Variants in MTCL3 observed in about 807,000 individuals in gnomAD.
MTCL3 encodes the protein MTCL family member 3, also known as microtubule cross-linking factor 3.
chr6:127,512,252 A>C, the MTCL3 span, among the ~76,000 whole-genome samples: 12 of 152,106 alleles, frequency 7.9e-5, no homozygotes, highest in African/African-American at 2.7e-4. Context: ...TTCTACCCTA[A>C]AGGGTATAAC....
chr6:127,515,399 T>A, the MTCL3 span: 1 of 1,036,918 alleles, frequency 9.6e-7, no homozygotes. The surrounding 1 kb of genome is among the most constrained non-coding windows in gnomAD (Gnocchi z 4.3). Flanking sequence ...CTTGTTCTCC[T>A]CCCTCTTCAA....
the MTCL3 span, chr6:127,515,947 G>A: frequency 6.2e-7 from 1 of 1,607,952 alleles, no homozygotes; most frequent in Non-Finnish European, 8.5e-7. The surrounding 1 kb of genome is among the most constrained non-coding windows in gnomAD (Gnocchi z 4.3). Context: ...GGTTTTGCCC[G>A]CAGAAGAGGA....
the MTCL3 span, among the ~76,000 whole-genome samples, chr6:127,474,317 G>A: frequency 6.6e-6 from 1 of 151,922 alleles, no homozygotes; most frequent in Non-Finnish European, 1.5e-5. Context: ...TCACTCTGTC[G>A]CCTAGGCTGG....
chr6:127,503,700 A>C, the MTCL3 span, among the ~76,000 whole-genome samples: 1 of 152,134 alleles, frequency 6.6e-6, no homozygotes, highest in East Asian at 1.9e-4. Context: ...GGATAAATGG[A>C]ATTTGAGAGA....
the MTCL3 span, among the ~76,000 whole-genome samples, chr6:127,507,855 A>G: frequency 6.8e-6 from 1 of 147,170 alleles, no homozygotes; most frequent in Non-Finnish European, 1.5e-5. Context: ...AAAAAAAAAA[A>G]AAAAAAAAAA....
the MTCL3 span, among the ~76,000 whole-genome samples, chr6:127,502,415 C>T: frequency 1.3e-5 from 2 of 152,264 alleles, no homozygotes; most frequent in Admixed American, 1.3e-4. Flanking sequence ...TCTCCCTGTC[C>T]ATCAAAACAT....
At chr6:127,516,567 AGCT>A in the MTCL3 span, 1 of 1,597,878 alleles carries the variant, frequency 6.3e-7, no homozygotes, top group South Asian at 1.1e-5. Flanking sequence ...CGGCGGGAGA[AGCT>A]GCTGCTGTGG....
the MTCL3 span, among the ~76,000 whole-genome samples, chr6:127,480,679 C>A: frequency 6.6e-6 from 1 of 152,134 alleles, no homozygotes; most frequent in African/African-American, 2.4e-5. Context: ...TGGCTCCTGT[C>A]CACAAAAATG....
the MTCL3 span, among the ~76,000 whole-genome samples, chr6:127,517,113 C>T: frequency 6.6e-6 from 1 of 152,212 alleles, no homozygotes; most frequent in Non-Finnish European, 1.5e-5. Flanking sequence ...TCCTTACCAT[C>T]AAATCCATAT....
chr6:127,486,096 T>G, the MTCL3 span, among the ~76,000 whole-genome samples: 1 of 152,172 alleles, frequency 6.6e-6, no homozygotes, highest in African/African-American at 2.4e-5. Context: ...AAATTTAGAC[T>G]TTATCCTGTG....
the MTCL3 span, among the ~76,000 whole-genome samples, chr6:127,512,037 C>G: frequency 6.6e-6 from 1 of 152,160 alleles, no homozygotes; most frequent in African/African-American, 2.4e-5. Context: ...TCACAAGTTG[C>G]ATTGTACATG....
the MTCL3 span, among the ~76,000 whole-genome samples, chr6:127,477,936 G>A: frequency 0.038 from 5,812 of 152,138 alleles, 382 homozygotes; most frequent in African/African-American, 0.13. Flanking sequence ...TGCACATGCT[G>A]CCTCTAGAAA....
the MTCL3 span, among the ~76,000 whole-genome samples, chr6:127,486,320 C>T: frequency 6.6e-6 from 1 of 152,166 alleles, no homozygotes; most frequent in Non-Finnish European, 1.5e-5. Context: ...GTAAGTATCA[C>T]ATTTGCATTT....
chr6:127,515,894 C>A, the MTCL3 span: 1 of 1,612,008 alleles, frequency 6.2e-7, no homozygotes. The surrounding 1 kb of genome is among the most constrained non-coding windows in gnomAD (Gnocchi z 4.3). Flanking sequence ...CCGCTGCCGC[C>A]CCCCGCAACG....
the MTCL3 span, chr6:127,476,512 A>G: frequency 6.8e-7 from 1 of 1,465,696 alleles, no homozygotes; most frequent in Non-Finnish European, 9.1e-7. This position sits in a 1 kb window ranked among gnomAD's most constrained non-coding sequence, Gnocchi z 4.4. Flanking sequence ...GATCATTTTT[A>G]TGTAAATCAA....
chr6:127,514,963 G>A, the MTCL3 span: 1 of 1,614,142 alleles, frequency 6.2e-7, no homozygotes, highest in African/African-American at 1.3e-5. Flanking sequence ...AACTCGTGGC[G>A]CATTTCCTGC....
At chr6:127,517,022 G>C in the MTCL3 span, among the ~76,000 whole-genome samples, 2 of 152,096 alleles carry the variant, frequency 1.3e-5, no homozygotes, top group Non-Finnish European at 2.9e-5. Context: ...AAAGAAAAGA[G>C]GATAAAGTGG....
At chr6:127,504,235 G>A in the MTCL3 span, among the ~76,000 whole-genome samples, 1 of 152,146 alleles carries the variant, frequency 6.6e-6, no homozygotes, top group Admixed American at 6.5e-5. Context: ...CTCACAGTCT[G>A]GTTGGTCTTG....
At chr6:127,478,769 A>G in the MTCL3 span, among the ~76,000 whole-genome samples, 10 of 152,148 alleles carry the variant, frequency 6.6e-5, no homozygotes, top group Non-Finnish European at 1.5e-4. Context: ...CTGTAATCCT[A>G]GCACTTTGGG....
Sources: gnomAD v4.1 joint callset for allele counts (sites outside exome capture counted in the v4.1 genomes callset) on GRCh38, gnomAD v4.1.1 for gene constraint, Gnocchi (gnomAD v3.1) non-coding constraint, MANE v1.5 for transcripts, NCBI Gene and HGNC (gene_info 2026-07-23, HGNC 2026-07-21) for gene names.